The following SLC14A2 variants were observed in gnomAD, a reference collection of about 807,000 sequenced individuals.
SLC14A2 encodes the protein urea transporter 2.
In SLC14A2, 91 loss-of-function variants were observed where a neutral mutation model predicts 104.6. The observed-to-expected ratio is 0.87, with a 90% confidence interval of 0.73 to 1.04. SLC14A2 has a LOEUF of 1.04. Ranked by LOEUF, SLC14A2 falls within the 50% of genes least tolerant of loss-of-function variation. SLC14A2 has a pLI of 0.00. For missense variants in SLC14A2, 1,189 were observed against 1,156.0 expected, an observed-to-expected ratio of 1.03 and a Z score of -0.41; for synonymous variants, 476 against 466.4, an observed-to-expected ratio of 1.02 and a Z score of -0.27.
At chr18:45,375,488 TC>T (rs2085764032) in intron 1 of SLC14A2, among the ~76,000 whole-genome samples, 2 of 152,052 alleles carry the variant, frequency 1.3e-5, no homozygotes, top group Admixed American at 1.3e-4. Flanking sequence ...ACCCAACCAA[TC>T]AGCACTCTCA....
chr18:45,536,661 C>G (rs1448284863), intron 2 of SLC14A2, among the ~76,000 whole-genome samples: 1 of 152,142 alleles, frequency 6.6e-6, no homozygotes, highest in Non-Finnish European at 1.5e-5. Context: ...AAGTCACATT[C>G]TCAGGTATTG....
At chr18:45,309,966 G>A (rs2085062201) in intron 1 of SLC14A2, among the ~76,000 whole-genome samples, 1 of 150,144 alleles carries the variant, frequency 6.7e-6, no homozygotes, top group Admixed American at 6.6e-5. Flanking sequence ...TTTCATAGCT[G>A]TCTATAGGTA....
At chr18:45,206,494 G>A in the SLC14A2 span, among the ~76,000 whole-genome samples, 1 of 152,044 alleles carries the variant, frequency 6.6e-6, no homozygotes, top group Admixed American at 6.6e-5. Context: ...TATTCAGCGA[G>A]GTTAGCCTTA....
chr18:45,205,387 T>C, the SLC14A2 span, among the ~76,000 whole-genome samples: 4 of 152,228 alleles, frequency 2.6e-5, no homozygotes, highest in African/African-American at 9.6e-5. Flanking sequence ...GGATCTTTAA[T>C]GACTTCATGC....
chr18:45,250,474 C>T (rs2084409841), intron 1 of SLC14A2, among the ~76,000 whole-genome samples: 1 of 151,756 alleles, frequency 6.6e-6, no homozygotes, highest in Non-Finnish European at 1.5e-5. Context: ...TCTCTCCTTC[C>T]TTTGTGCTAA....
chr18:45,632,604 TGACACC>T, intron 5 of SLC14A2, 126 bp downstream of exon 5: 2 of 1,001,772 alleles, frequency 2.0e-6, no homozygotes, highest in Non-Finnish European at 1.5e-6. Context: ...TTAGCTTGTC[TGACACC>T]ATGAAAGCCC....
At chr18:45,203,432 C>T in the SLC14A2 span, among the ~76,000 whole-genome samples, 3 of 152,134 alleles carry the variant, frequency 2.0e-5, no homozygotes, top group African/African-American at 7.2e-5. Flanking sequence ...TTCTTGCTAA[C>T]GTTTGGAAAT....
chr18:45,665,412 A>G (rs2046001921), intron 11 of SLC14A2, among the ~76,000 whole-genome samples: 1 of 152,216 alleles, frequency 6.6e-6, no homozygotes, highest in Admixed American at 6.5e-5. Flanking sequence ...AATAATAAAA[A>G]TGTTTAGATC....
the SLC14A2 span, among the ~76,000 whole-genome samples, chr18:45,189,585 C>T: frequency 1.3e-5 from 2 of 152,202 alleles, no homozygotes; most frequent in East Asian, 3.8e-4. Flanking sequence ...CTTCAGTTGT[C>T]TCACTAGCTG....
intron 10 of SLC14A2, among the ~76,000 whole-genome samples, chr18:45,662,031 G>A (rs191474680): frequency 2.0e-5 from 3 of 152,334 alleles, no homozygotes; most frequent in South Asian, 2.1e-4. Flanking sequence ...AAGGCTGGGC[G>A]CTGTAGCTCA....
chr18:45,532,201 T>C (rs1363467394), intron 2 of SLC14A2, among the ~76,000 whole-genome samples: 2 of 152,174 alleles, frequency 1.3e-5, no homozygotes, highest in African/African-American at 2.4e-5. Context: ...TTTGGTTCCA[T>C]ACGAACTTTA....
At chr18:45,384,444 T>TTCTCAG (rs1456086892) in intron 1 of SLC14A2, among the ~76,000 whole-genome samples, 2 of 152,152 alleles carry the variant, frequency 1.3e-5, no homozygotes, top group Admixed American at 6.5e-5. Context: ...TTTTCTTTGT[T>TTCTCAG]TCTCAGTAGG....
intron 2 of SLC14A2, among the ~76,000 whole-genome samples, chr18:45,582,567 CAATA>C (rs1568285259): frequency 6.6e-6 from 1 of 152,130 alleles, no homozygotes; most frequent in African/African-American, 2.4e-5. Context: ...GTAAAATAAT[CAATA>C]AATACAATAA....
At chr18:45,469,647 T>A (rs1249116152) in intron 1 of SLC14A2, among the ~76,000 whole-genome samples, 1 of 152,018 alleles carries the variant, frequency 6.6e-6, no homozygotes, top group African/African-American at 2.4e-5. Context: ...CTGGTGGGGG[T>A]TGGAGGCAAA....
chr18:45,541,855 A>C (rs1196312021), intron 2 of SLC14A2, among the ~76,000 whole-genome samples: 1 of 152,028 alleles, frequency 6.6e-6, no homozygotes, highest in Non-Finnish European at 1.5e-5. Flanking sequence ...TGTCAAGGAC[A>C]CCCTGTTTAC....
chr18:45,244,509 C>A (rs189575187), intron 1 of SLC14A2, among the ~76,000 whole-genome samples: 1 of 152,014 alleles, frequency 6.6e-6, no homozygotes, highest in Admixed American at 6.6e-5. Flanking sequence ...CCCTGTAATC[C>A]CAGTTACTTG....
chr18:45,673,740 G>A lies in SLC14A2; in HGVS notation c.2435G>A (p.Ser812Asn). The change falls in exon 18 of 20, where the codon AGC becomes AAC. Residue 812 changes from serine to asparagine, a missense_variant. Ser to Asn is a conservative substitution (Grantham distance 46). Coordinates refer to ENST00000255226, the MANE Select transcript of SLC14A2 (RefSeq NM_007163.4). Reference sequence around the variant, plus strand: ...TACTTCGGCCTGTGTGGCTTCAACAGCACCCTCGCATGCATAGCGATAGGA... The same window carrying A: ...TACTTCGGCCTGTGTGGCTTCAACAACACCCTCGCATGCATAGCGATAGGA... ...SIYFGLCGFN[S>N]TLACIAIGGM... 1.2e-6 allele frequency: 2 copies of A among 1,614,098 alleles called. No homozygotes were observed. Among genetic ancestry groups the A allele is most frequent in the Non-Finnish European group, 1.7e-6 (2 of 1,179,998 alleles).
chr18:45,217,367 A>G (rs913550513), intron 1 of SLC14A2, among the ~76,000 whole-genome samples: 3 of 151,242 alleles, frequency 2.0e-5, no homozygotes, highest in South Asian at 2.1e-4. Flanking sequence ...TGTAATATAT[A>G]TATGCCAAGT....
chr18:45,248,468 G>T (rs1437037183), intron 1 of SLC14A2, among the ~76,000 whole-genome samples: 1 of 152,074 alleles, frequency 6.6e-6, no homozygotes, highest in Non-Finnish European at 1.5e-5. Context: ...GACTTGGCCT[G>T]TTCCCCCCGA....
Sources: allele counts gnomAD v4.1 joint callset (sites outside exome capture counted in the v4.1 genomes callset), GRCh38; gene constraint gnomAD v4.1.1; transcripts MANE v1.5; gene names NCBI Gene and HGNC (gene_info 2026-07-23, HGNC 2026-07-21).